The following BCAS3 variants were observed in gnomAD, a reference collection of about 807,000 sequenced individuals.
The protein encoded by BCAS3 is BCAS4/BCAS3 fusion.
In BCAS3, 53 loss-of-function variants were observed where a neutral mutation model predicts 116.1. That is an observed-to-expected ratio of 0.46 (90% CI 0.37 to 0.57). The LOEUF is 0.57. Among genes scored for constraint, BCAS3 ranks in the 20% least tolerant of loss-of-function variants. The pLI, the probability that BCAS3 is intolerant of heterozygous loss-of-function variation, is 0.00. For missense variants in BCAS3, 917 were observed against 1,165.4 expected (o/e 0.79, Z 3.10); for synonymous variants, 391 against 408.2 (o/e 0.96, Z 0.51).
At chr17:60,863,920 T>G (rs2054373547) in intron 7 of BCAS3, among the ~76,000 whole-genome samples, 1 of 152,234 alleles carries the variant, frequency 6.6e-6, no homozygotes, top group Non-Finnish European at 1.5e-5. Flanking sequence ...AGAGTCCTGG[T>G]TACCCCTTAC....
chr17:60,824,250 T>C (rs1040626715), intron 7 of BCAS3, among the ~76,000 whole-genome samples: 2 of 152,224 alleles, frequency 1.3e-5, no homozygotes, highest in African/African-American at 2.4e-5. Flanking sequence ...TTTATAATTA[T>C]GTTGAGCTGT....
intron 22 of BCAS3, among the ~76,000 whole-genome samples, chr17:61,125,787 C>T (rs910679853): frequency 1.3e-5 from 2 of 152,158 alleles, no homozygotes; most frequent in Non-Finnish European, 2.9e-5. Flanking sequence ...ATACTGCATT[C>T]TCCAAAGACT....
Position 60,679,485 on chromosome 17 carries a change from C to G in BCAS3, c.28C>G (p.Pro10Ala). 2 of 1,613,868 alleles carry G rather than the reference C, an allele frequency of 1.2e-6. No individual in the cohort carries two copies. Among genetic ancestry groups the G allele is most frequent in the Non-Finnish European group, 8.5e-7 (1 of 1,179,886 alleles). ...GAATGAAGCTATGGCTACAGATTCC[C>G]CAAGAAGACCCAGTCGTTGTACTGG... MNEAMATDS[P>A]RRPSRCTGGV... The change falls in exon 2 of 24, where the codon CCA (proline) becomes GCA (alanine). Residue 10 changes from proline (P) to alanine (A), a missense_variant. Physicochemically the swap from Pro to Ala is conservative, Grantham distance 27. Transcript: ENST00000407086.
chr17:60,704,329 G>A (rs563871852), intron 4 of BCAS3, among the ~76,000 whole-genome samples: 41 of 152,248 alleles, frequency 2.7e-4, no homozygotes, highest in African/African-American at 9.6e-4. Context: ...TAACTCTATT[G>A]TTTTGTGCAA....
intron 22 of BCAS3, among the ~76,000 whole-genome samples, chr17:61,197,894 T>A (rs959219876): frequency 6.6e-6 from 1 of 152,200 alleles, no homozygotes; most frequent in African/African-American, 2.4e-5. Context: ...TTATTAGAAA[T>A]TCTCATGACT....
chr17:60,991,885 G>A (rs2063547165), intron 15 of BCAS3, among the ~76,000 whole-genome samples: 1 of 151,654 alleles, frequency 6.6e-6, no homozygotes, highest in Non-Finnish European at 1.5e-5. Flanking sequence ...TTTTGTTTCT[G>A]CCTTCTTTCA....
At chr17:60,976,240 G>T (rs1455759149) in intron 14 of BCAS3, among the ~76,000 whole-genome samples, 1 of 150,784 alleles carries the variant, frequency 6.6e-6, no homozygotes, top group Non-Finnish European at 1.5e-5. Context: ...TAGCCAGGAT[G>T]GTCTCAATCT....
chr17:61,268,469 C>T (rs1279623789), intron 22 of BCAS3, among the ~76,000 whole-genome samples: 6 of 152,074 alleles, frequency 3.9e-5, no homozygotes, highest in African/African-American at 7.2e-5. Flanking sequence ...TACAGTAATA[C>T]GTATGTATAT....
chr17:60,679,328 A>G, intron 1 of BCAS3, 125 bp from the exon 2 acceptor site: 1 of 618,574 alleles, frequency 1.6e-6, no homozygotes, highest in South Asian at 2.6e-5. Flanking sequence ...TTTCTGGGAA[A>G]GTTTCCTACA....
Position 61,390,098 on chromosome 17 carries a change from C to T in BCAS3, c.2594-1879C>T, listed in dbSNP as rs949407783. On this transcript the variant is annotated intron_variant, in intron 23 of 23. Coordinates refer to ENST00000407086, the MANE Select transcript of BCAS3 (RefSeq NM_017679.5). This position sits in a 1 kb window ranked among gnomAD's most constrained non-coding sequence, Gnocchi z 6.8. The stretch of plus-strand genomic sequence containing the variant: ...GCGCCTGCCGGTGCTCTTCTCCCGC[C>T]CGCCTGGCCCTGCTGTCAGCGCCCC... The T allele has an allele frequency of 1.3e-5, 2 of 152,368 alleles. No homozygotes were observed. The highest frequency in any genetic ancestry group is 4.8e-5 in the African/African-American group (2 of 41,470). 9.4% of individuals were successfully genotyped at this position (152,368 alleles called of 1,614,324 possible). A position where few individuals can be genotyped will look rare whatever the true frequency, so the allele number is the denominator to read the frequency against.
intron 22 of BCAS3, among the ~76,000 whole-genome samples, chr17:61,127,309 A>G (rs1291324735): frequency 2.0e-5 from 3 of 152,036 alleles, no homozygotes; most frequent in African/African-American, 7.2e-5. Flanking sequence ...TTCACCACTG[A>G]GTTATTCTAG....
chr17:60,863,448 A>C lies in BCAS3; in HGVS notation c.477-5128A>C, dbSNP rs183105865. ...CGTTAATTTTTTGGTTTCCCAGTGC[A>C]TATAAAAGTTATGTTTGGCTAGGCT... On this transcript the variant is annotated intron_variant, in intron 7 of 23. Coordinates refer to ENST00000407086, the MANE Select transcript of BCAS3 (RefSeq NM_017679.5). Among the ~76,000 whole-genome samples, 11 of 152,212 alleles carry C rather than the reference A, an allele frequency of 7.2e-5. No homozygotes were observed. In the East Asian group the frequency reaches 2.1e-3, roughly 29 times the overall value.
At position 61,224,051 on chromosome 17, in the gene BCAS3, A is replaced by G. The variant is rs939866034; in HGVS notation, c.2425+139487A>G. Among the ~76,000 whole-genome samples the G allele has an allele frequency of 5.3e-5, 8 of 152,214 alleles. No individual in the cohort carries two copies. Among genetic ancestry groups the G allele is most frequent in the African/African-American group, 1.9e-4 (8 of 41,456 alleles). ...AATTTTTTTCAACCACCTCTAATTGAGAGTAGAAAAGCATTTGCTTTCTAT... is the reference window on the plus strand; with the variant it reads ...AATTTTTTTCAACCACCTCTAATTGGGAGTAGAAAAGCATTTGCTTTCTAT... On this transcript the variant is annotated intron_variant, in intron 22 of 23. Coordinates refer to ENST00000407086, the MANE Select transcript of BCAS3 (RefSeq NM_017679.5). This position sits in a 1 kb window ranked among gnomAD's most constrained non-coding sequence, Gnocchi z 5.7.
In BCAS3 at chr17:60,683,830, TCAAAACAAAA is replaced by T. The variant is rs199683646; in HGVS notation, c.84-137_84-128del. 3.8e-3 allele frequency: 2,641 copies of T among 700,952 alleles called. 58 individuals carry two copies. In the African/African-American group the frequency reaches 0.041, roughly 11 times the overall value. The allele number at this position is 700,952 out of a possible 1,614,324, so 43.4% of individuals were successfully genotyped here. A position where few individuals can be genotyped will look rare whatever the true frequency, so the allele number is the denominator to read the frequency against. ...CTGGGTGACAGAGTGAAACCTTGTCTCAAAACAAAACAAAACAAAACAAACAAAAAAACCC... is the reference window on the plus strand; with the variant it reads ...CTGGGTGACAGAGTGAAACCTTGTCTCAAAACAAAACAAACAAAAAAACCC... On this transcript the variant is annotated intron_variant, in intron 2 of 23. Coordinates refer to ENST00000407086, the MANE Select transcript of BCAS3 (RefSeq NM_017679.5).
At chr17:60,719,438 TATC>T (rs1328528506) in intron 5 of BCAS3, among the ~76,000 whole-genome samples, 4 of 152,246 alleles carry the variant, frequency 2.6e-5, no homozygotes, top group African/African-American at 9.6e-5. Flanking sequence ...TGAAAAACAC[TATC>T]ATCAAGACAT....
rs150841346 is a variant in BCAS3 at position 60,980,156 on chromosome 17, T to G, written c.1222-9815T>G. On this transcript the variant is annotated intron_variant, in intron 14 of 23. Coordinates refer to ENST00000407086, the MANE Select transcript of BCAS3 (RefSeq NM_017679.5). ...TCTTTTTGGTTGGTAAGCTATTGAT[T>G]ATTGCCACAATTTCAGATCCTGTTA... is the stretch of plus-strand genomic sequence containing the variant. 8.0e-4 allele frequency among the ~76,000 whole-genome samples: 122 copies of G among 152,294 alleles called. 1 individual carries two copies. In the East Asian group the frequency reaches 0.014, roughly 18 times the overall value.
intron 6 of BCAS3, among the ~76,000 whole-genome samples, chr17:60,750,321 G>GA (rs1319413418): frequency 1.3e-5 from 2 of 151,868 alleles, no homozygotes; most frequent in East Asian, 3.8e-4. Context: ...ACTAGGAATA[G>GA]AAAAAAAATT....
At position 61,042,036 on chromosome 17, in the gene BCAS3, G is replaced by A. The variant is rs754016612; in HGVS notation, c.2029+1144G>A. ...TAAATTGAACTGTGAGAGCAGTGAC[G>A]TGTGTTGCCTATGGCATCACAGACG... On this transcript the variant is annotated intron_variant, in intron 19 of 23. Coordinates refer to ENST00000407086, the MANE Select transcript of BCAS3 (RefSeq NM_017679.5). Among the ~76,000 whole-genome samples, 7 of 151,978 alleles carry A rather than the reference G, an allele frequency of 4.6e-5. 1 individual carries two copies. Among genetic ancestry groups the A allele is most frequent in the Non-Finnish European group, 7.4e-5 (5 of 67,970 alleles).
chr17:61,003,572 G>A (rs961464765), intron 15 of BCAS3, among the ~76,000 whole-genome samples: 18 of 151,784 alleles, frequency 1.2e-4, no homozygotes, highest in Admixed American at 7.9e-4. Flanking sequence ...GGGATTACAG[G>A]TGTGAGCCAC....
Sources: allele counts gnomAD v4.1 joint callset (sites outside exome capture counted in the v4.1 genomes callset), GRCh38; gene constraint gnomAD v4.1.1; non-coding constraint Gnocchi (gnomAD v3.1); transcripts MANE v1.5; gene names NCBI Gene and HGNC (gene_info 2026-07-23, HGNC 2026-07-21).